The following DNAH2 variants were observed in gnomAD, a reference collection of about 807,000 sequenced individuals.
The protein encoded by DNAH2 is dynein axonemal heavy chain 2.
In DNAH2, 323 loss-of-function variants were observed where a neutral mutation model predicts 523.5. That is an observed-to-expected ratio of 0.62 (90% confidence interval 0.56 to 0.68). The LOEUF (loss-of-function observed/expected upper bound fraction) is 0.68, where lower values mean the gene tolerates loss of function less well. DNAH2 is among the 30% of genes least tolerant of loss of function. The pLI, the probability that DNAH2 is intolerant of heterozygous loss-of-function variation, is 0.00. For synonymous variants in DNAH2, 2,093 were observed against 2,177.4 expected (o/e 0.96, Z 1.08); for missense variants, 4,907 against 5,701.5 (o/e 0.86, Z 4.49).
Position 7,824,534 on chromosome 17 carries a change from C to A in DNAH2, c.11663-3C>A, listed in dbSNP as rs766059480. 6.5e-7 allele frequency: 1 copy of A among 1,548,070 alleles called. No individual in the cohort carries two copies. The highest frequency in any genetic ancestry group is 1.8e-5 in the Admixed American group (1 of 55,238). ...TCCCACTGACCCTGGCATCTCCTTG[C>A]AGGACACTGGGTGTTCCTGGCAAAC... On this transcript the variant is annotated splice_region_variant and splice_polypyrimidine_tract_variant and intron_variant, in intron 76 of 85. Transcript: ENST00000572933.
At chr17:7,804,640 G>T (rs1204110045) in intron 59 of DNAH2, among the ~76,000 whole-genome samples, 174 bp downstream of exon 59, 1 of 152,182 alleles carries the variant, frequency 6.6e-6, no homozygotes, top group African/African-American at 2.4e-5. Flanking sequence ...GAGGTCAGGA[G>T]TTCGAGACCA....
chr17:7,806,440 G>A (rs935123935), intron 61 of DNAH2, among the ~76,000 whole-genome samples: 6 of 151,934 alleles, frequency 3.9e-5, no homozygotes, highest in South Asian at 2.1e-4. Flanking sequence ...GGTGGATCAC[G>A]AGGTCAGGAG....
In DNAH2 at chr17:7,727,104, T is replaced by G; in HGVS notation, c.229-18T>G. ...CTGGCAGTTGTAGTTACTTTGGCCCTCTGCTCTCCTTCTGTAGAAGCCCCT... is the reference window on the plus strand; with the variant it reads ...CTGGCAGTTGTAGTTACTTTGGCCCGCTGCTCTCCTTCTGTAGAAGCCCCT... On this transcript the variant is annotated intron_variant, in intron 3 of 85. Transcript: ENST00000572933. The G allele has an allele frequency of 6.5e-7, 1 of 1,528,656 alleles. No individual in the cohort carries two copies. Among genetic ancestry groups the G allele is most frequent in the Non-Finnish European group, 8.7e-7 (1 of 1,145,450 alleles). The allele number at this position is 1,528,656 out of a possible 1,614,324, so 94.7% of individuals were successfully genotyped here.
At chr17:7,775,055 T>G in intron 29 of DNAH2, 79 bp downstream of exon 29, 3 of 1,417,636 alleles carry the variant, frequency 2.1e-6, no homozygotes, top group Non-Finnish European at 2.0e-6. Flanking sequence ...GAGGGGACCC[T>G]GCCCTCCCAA....
chr17:7,830,950 GAC>G (rs2078157456), intron 79 of DNAH2, 108 bp downstream of exon 79: 1 of 1,534,652 alleles, frequency 6.5e-7, no homozygotes, highest in Non-Finnish European at 8.9e-7. Flanking sequence ...ATTGGAAGAA[GAC>G]AGAGTTTGTG....
Position 7,751,920 on chromosome 17 carries a change from G to GGTGTGTGT in DNAH2, c.1905-5151_1905-5144dup, listed in dbSNP as rs1555544367. On this transcript the variant is annotated intron_variant, in intron 12 of 85. Transcript: ENST00000572933. ...TGAGTCTTTCCAAGAATAGTTGTGG[G>GGTGTGTGT]GTGTGTGTGTGTGTGTGTGTGTGTG... is the stretch of plus-strand genomic sequence containing the variant. Among the ~76,000 whole-genome samples, 422 of 145,970 alleles carry GGTGTGTGT rather than the reference G, an allele frequency of 2.9e-3. 1 individual carries two copies. The highest frequency in any genetic ancestry group is 4.9e-3 in the East Asian group (23 of 4,716).
chr17:7,823,843 A>G lies in DNAH2; in HGVS notation c.11339A>G (p.Glu3780Gly), dbSNP rs2077938614. The G allele has an allele frequency of 1.9e-6, 3 of 1,613,916 alleles. No individual in the cohort carries two copies. Among genetic ancestry groups the G allele is most frequent in the Non-Finnish European group, 1.7e-6 (2 of 1,179,898 alleles). Residue 3780 changes from glutamate (E) to glycine (G), a missense_variant, in exon 75 of 86, where the codon GAA (glutamate) becomes GGA (glycine). Coordinates refer to ENST00000572933, the MANE Select transcript of DNAH2 (RefSeq NM_020877.5). ...CTCACCTCATCCCCAGGTGAGTGGG[A>G]AAATGCCTGCAATGAAATGCAACGG... ...PEKAMLPGEW[E>G]NACNEMQRML...
intron 70 of DNAH2, 42 bp from the exon 71 acceptor site, chr17:7,818,877 C>T (rs766475766): frequency 1.9e-6 from 3 of 1,606,036 alleles, no homozygotes; most frequent in Non-Finnish European, 2.6e-6. Flanking sequence ...GAGCCTGGTC[C>T]CGCTAACCCC....
At chr17:7,757,312 T>C in intron 13 of DNAH2, 75 bp downstream of exon 13, 1 of 1,520,798 alleles carries the variant, frequency 6.6e-7, no homozygotes, top group Non-Finnish European at 8.9e-7. Context: ...TGCCCTGTAA[T>C]GTTGTTCATT....
In DNAH2 at chr17:7,831,060, G is replaced by C; in HGVS notation, c.12231-26G>C. The C allele has an allele frequency of 6.2e-7, 1 of 1,603,974 alleles. No individual in the cohort carries two copies. Among genetic ancestry groups the C allele is most frequent in the East Asian group, 2.2e-5 (1 of 44,820 alleles). On this transcript the variant is annotated intron_variant, in intron 79 of 85. Transcript: ENST00000572933. The surrounding 1 kb of genome is among the most constrained non-coding windows in gnomAD (Gnocchi z 4.2). ...TTGAGGGCTGAGTCCCCACAATGTGGCAGTAATTATGCTATGACTCCCTAG... is the reference window on the plus strand; with the variant it reads ...TTGAGGGCTGAGTCCCCACAATGTGCCAGTAATTATGCTATGACTCCCTAG...
In DNAH2 at chr17:7,807,387, C is replaced by T. The variant is rs571024646; in HGVS notation, c.9612+68C>T. On this transcript the variant is annotated intron_variant, in intron 62 of 85. Transcript: ENST00000572933. This position sits in a 1 kb window ranked among gnomAD's most constrained non-coding sequence, Gnocchi z 5.6. ...CCTGGGGGAGTGCGGATGCACAGAC[C>T]CAGGTGGAAGGAGGGGATGCCTGGA... 1.2e-6 allele frequency: 2 copies of T among 1,604,646 alleles called. No individual in the cohort carries two copies. Among genetic ancestry groups the T allele is most frequent in the African/African-American group, 1.3e-5 (1 of 74,912 alleles).
rs66460228 is a variant in DNAH2 at position 7,806,658 on chromosome 17, C to CA, written c.9443-468dup. The stretch of plus-strand genomic sequence containing the variant: ...TGGGCAACAGAGCGACACTCCATCT[C>CA]AAAAAAAAAAAAAAAAAAAAAAAAG... On this transcript the variant is annotated intron_variant, in intron 61 of 85. Transcript: ENST00000572933. Among the ~76,000 whole-genome samples the CA allele has an allele frequency of 9.3e-3, 559 of 59,972 alleles. 1 individual carries two copies. Among genetic ancestry groups the CA allele is most frequent in the Non-Finnish European group, 0.011 (346 of 32,558 alleles). 39.3% of individuals were successfully genotyped at this position (59,972 alleles called of 152,430 possible). A position where few individuals can be genotyped will look rare whatever the true frequency, so the allele number is the denominator to read the frequency against.
At chr17:7,814,829 A>G (rs1447130666) in intron 63 of DNAH2, among the ~76,000 whole-genome samples, 1 of 152,230 alleles carries the variant, frequency 6.6e-6, no homozygotes, top group Non-Finnish European at 1.5e-5. Context: ...AGCCTGGGAG[A>G]CAAGAGCGAG....
intron 36 of DNAH2, 130 bp downstream of exon 36, chr17:7,779,553 G>A: frequency 2.9e-6 from 3 of 1,031,242 alleles, no homozygotes; most frequent in South Asian, 3.3e-5. Flanking sequence ...GCTAAAGATA[G>A]CAAAGGGGAG....
rs1431289859 is a variant in DNAH2, at chr17:7,740,439, G to A, written c.1396G>A (p.Asp466Asn). ...GTGCAGGTTCCGTGCCGGAATCAAGGACCTGGAGGTGATGACCCAGAACCT... is the reference window on the plus strand; with the variant it reads ...GTGCAGGTTCCGTGCCGGAATCAAGAACCTGGAGGTGATGACCCAGAACCT... ...DYNKFRAGIK[D>N]LEVMTQNLIT... The change falls in exon 10 of 86, where the codon GAC (aspartate) becomes AAC (asparagine). Residue 466 changes from aspartate (D) to asparagine (N), a missense_variant. Around this residue, in one of 3 missense-constraint regions of DNAH2, gnomAD observed 2,806 missense variants for 3,190.8 expected, o/e 0.88. Transcript: ENST00000572933. 1 of 1,614,056 alleles carries A rather than the reference G, an allele frequency of 6.2e-7. No homozygotes were observed. Among genetic ancestry groups the A allele is most frequent in the Admixed American group, 1.7e-5 (1 of 60,000 alleles).
chr17:7,739,736 T>A lies in DNAH2; in HGVS notation c.1174T>A (p.Cys392Ser). The A allele has an allele frequency of 6.2e-7, 1 of 1,612,392 alleles. No homozygotes were observed. Among genetic ancestry groups the A allele is most frequent in the Non-Finnish European group, 8.5e-7 (1 of 1,179,948 alleles). Reference sequence around the variant, plus strand: ...CTCATGCTGTCTTCTTTTTTAGGTATGTGACTGTCAGTATCACTTCGCCCG... The same window carrying A: ...CTCATGCTGTCTTCTTTTTTAGGTAAGTGACTGTCAGTATCACTTCGCCCG... ...ERLTSLFRKV[C>S]DCQYHFARWE... Residue 392 changes from cysteine (C) to serine (S), a missense_variant, in exon 9 of 86, where the codon TGT (cysteine) becomes AGT (serine). This residue lies in a region of DNAH2 where 2,806 missense variants were observed against 3,190.8 expected (regional missense o/e 0.88). Transcript: ENST00000572933.
At chr17:7,720,575 G>C (rs576258995) in intron 2 of DNAH2, among the ~76,000 whole-genome samples, 1 of 152,178 alleles carries the variant, frequency 6.6e-6, no homozygotes. Flanking sequence ...GCTATTGCTG[G>C]GATCTCCCTG....
Position 7,821,664 on chromosome 17 carries a change from C to T in DNAH2, c.11142+295C>T, listed in dbSNP as rs1363510123. On this transcript the variant is annotated intron_variant, in intron 73 of 85. Transcript: ENST00000572933. This position sits in a 1 kb window ranked among gnomAD's most constrained non-coding sequence, Gnocchi z 5.0. Reference sequence around the variant, plus strand: ...CCTTTCAAGGCACTCCTTCCCCAGCCTGAGTTCCATGGTCGCCCTCACAAT... The same window carrying T: ...CCTTTCAAGGCACTCCTTCCCCAGCTTGAGTTCCATGGTCGCCCTCACAAT... Among the ~76,000 whole-genome samples, 8 of 152,170 alleles carry T rather than the reference C, an allele frequency of 5.3e-5. No individual in the cohort carries two copies. The highest frequency in any genetic ancestry group is 2.1e-4 in the South Asian group (1 of 4,834).
intron 12 of DNAH2, among the ~76,000 whole-genome samples, chr17:7,751,920 G>GGGTT (rs111751776): frequency 6.9e-6 from 1 of 145,876 alleles, no homozygotes; most frequent in East Asian, 2.1e-4. Context: ...ATAGTTGTGG[G>GGGTT]GTGTGTGTGT....
Sources: gnomAD v4.1 joint callset for allele counts (sites outside exome capture counted in the v4.1 genomes callset) on GRCh38, gnomAD v4.1.1 for gene constraint, gnomAD v4.1.1 regional missense constraint, Gnocchi (gnomAD v3.1) non-coding constraint, MANE v1.5 for transcripts, NCBI Gene and HGNC (gene_info 2026-07-23, HGNC 2026-07-21) for gene names.